The following RELN variants were observed in gnomAD, a reference collection of about 807,000 sequenced individuals.
RELN encodes the protein reelin.
A neutral mutation model predicts 427.6 loss-of-function variants in RELN; 108 were observed. The observed-to-expected ratio is 0.25, with a 90% CI of 0.22 to 0.30. The LOEUF (loss-of-function observed/expected upper bound fraction) is 0.30, where lower values mean the gene tolerates loss of function less well. Among genes scored for constraint, RELN ranks in the 10% least tolerant of loss-of-function variants. The pLI is 1.00. For synonymous variants in RELN, 1,524 were observed against 1,513.4 expected, an observed-to-expected ratio of 1.01 and a Z score of -0.16; for missense variants, 3,715 against 4,302.8, an observed-to-expected ratio of 0.86 and a Z score of 3.82.
At chr7:103,865,025 G>T (rs1411496587) in intron 2 of RELN, among the ~76,000 whole-genome samples, 2 of 151,432 alleles carry the variant, frequency 1.3e-5, no homozygotes, top group African/African-American at 4.9e-5. Flanking sequence ...CAGCTACTGG[G>T]GAGGCTGAGG....
At chr7:103,618,326 A>G (rs1376393007) in intron 20 of RELN, among the ~76,000 whole-genome samples, 2 of 152,170 alleles carry the variant, frequency 1.3e-5, no homozygotes, top group Admixed American at 6.5e-5. Flanking sequence ...TTACCCTCCC[A>G]TGGGCTTCTC....
At chr7:103,736,732 G>A (rs1028676968) in intron 6 of RELN, among the ~76,000 whole-genome samples, 2 of 152,110 alleles carry the variant, frequency 1.3e-5, no homozygotes, top group African/African-American at 4.8e-5. Context: ...TGTTTCAAAT[G>A]TACTTGACAT....
chr7:103,943,885 A>G (rs990445077), intron 1 of RELN, among the ~76,000 whole-genome samples: 50 of 149,406 alleles, frequency 3.3e-4, no homozygotes, highest in African/African-American at 1.2e-3. Context: ...GGAAATTACT[A>G]GTTTCCCCAC....
intron 6 of RELN, among the ~76,000 whole-genome samples, chr7:103,742,659 G>T (rs111338950): frequency 0.022 from 3,337 of 152,250 alleles, 125 homozygotes; most frequent in African/African-American, 0.077. Context: ...TGGAAGAAAG[G>T]GTATCAGTGA....
intron 2 of RELN, 70 bp downstream of exon 2, chr7:103,917,005 A>G (rs951960288): frequency 2.6e-5 from 29 of 1,118,270 alleles, no homozygotes; most frequent in Middle Eastern, 2.0e-4. Flanking sequence ...GTTAAAACAG[A>G]TACTTTAAAA....
chr7:103,914,162 T>A (rs1224320773), intron 2 of RELN, among the ~76,000 whole-genome samples: 1 of 152,196 alleles, frequency 6.6e-6, no homozygotes, highest in Non-Finnish European at 1.5e-5. Flanking sequence ...CTTAAATAAT[T>A]TGTAACAATT....
At chr7:103,710,322 G>A (rs1789762599) in intron 8 of RELN, among the ~76,000 whole-genome samples, 1 of 152,188 alleles carries the variant, frequency 6.6e-6, no homozygotes, top group African/African-American at 2.4e-5. Context: ...ATTCTGCTAA[G>A]AAGAAGCTGA....
At chr7:103,973,863 C>A (rs1372580346) in intron 1 of RELN, among the ~76,000 whole-genome samples, 1 of 152,176 alleles carries the variant, frequency 6.6e-6, no homozygotes, top group Non-Finnish European at 1.5e-5. Context: ...TAATACTCAG[C>A]CAGGTGTGGT....
intron 1 of RELN, among the ~76,000 whole-genome samples, chr7:103,930,442 G>A (rs1795837138): frequency 2.6e-5 from 4 of 151,616 alleles, no homozygotes; most frequent in Admixed American, 2.6e-4. Flanking sequence ...ACGGGTGGGG[G>A]GTGTGGACAG....
rs976338680 is a variant in RELN, at chr7:103,596,853, T to C, written c.3334-192A>G. Among the ~76,000 whole-genome samples the C allele has an allele frequency of 3.9e-5, 6 of 152,176 alleles. 1 individual carries two copies. Among genetic ancestry groups the C allele is most frequent in the Middle Eastern group, 6.3e-3 (2 of 316 alleles). On this transcript the variant is annotated intron_variant, in intron 24 of 64. Transcript: ENST00000428762. ...CTACGGTAACTGTTGCTGGATACCT[T>C]TGGTTAATGTCTACATTACTGATTC...
At chr7:103,478,990 T>C (rs746510670) in intron 63 of RELN, among the ~76,000 whole-genome samples, 8 of 152,188 alleles carry the variant, frequency 5.3e-5, no homozygotes, top group Non-Finnish European at 8.8e-5. Context: ...AAGACCATAG[T>C]TAGCAACATA....
intron 2 of RELN, among the ~76,000 whole-genome samples, chr7:103,912,091 T>A (rs1419141210): frequency 3.3e-5 from 5 of 152,138 alleles, no homozygotes; most frequent in African/African-American, 1.2e-4. Context: ...ATTAAAAATA[T>A]GACATGAATA....
intron 11 of RELN, among the ~76,000 whole-genome samples, chr7:103,681,287 T>C (rs1027622979): frequency 6.6e-5 from 10 of 152,188 alleles, no homozygotes; most frequent in African/African-American, 2.2e-4. Context: ...TTTGATTTAA[T>C]TTGTTGAGAT....
chr7:103,899,842 C>T (rs184827868), intron 2 of RELN, among the ~76,000 whole-genome samples: 195 of 152,136 alleles, frequency 1.3e-3, no homozygotes, highest in Non-Finnish European at 9.1e-4. Flanking sequence ...GCCAATATCA[C>T]ACTGAATGGG....
chr7:103,670,239 T>C (rs1191144614), intron 11 of RELN, among the ~76,000 whole-genome samples: 3 of 152,118 alleles, frequency 2.0e-5, no homozygotes, highest in African/African-American at 4.8e-5. Context: ...AGCTTGGCAA[T>C]AACTATCAAA....
At chr7:103,634,634 G>T (rs1228302580) in intron 19 of RELN, among the ~76,000 whole-genome samples, 2 of 151,832 alleles carry the variant, frequency 1.3e-5, no homozygotes, top group African/African-American at 2.4e-5. Flanking sequence ...CCCCATTTTT[G>T]CCAGAGACAC....
intron 12 of RELN, among the ~76,000 whole-genome samples, chr7:103,659,151 G>A (rs1320829780): frequency 1.3e-5 from 2 of 151,754 alleles, no homozygotes; most frequent in African/African-American, 2.4e-5. Flanking sequence ...CTTAACATAA[G>A]CAACATCAAA....
At chr7:103,906,103 G>A (rs1049668010) in intron 2 of RELN, among the ~76,000 whole-genome samples, 1 of 152,096 alleles carries the variant, frequency 6.6e-6, no homozygotes, top group South Asian at 2.1e-4. Context: ...TAGGTGTCTG[G>A]AAAAGAGGCT....
In RELN at chr7:103,472,870, TGTC is replaced by T. The variant is rs770480930; in HGVS notation, c.10322_10324del (p.Arg3441del). On this transcript the variant is annotated inframe_deletion, in exon 65 of 65. Coordinates refer to ENST00000428762, the MANE Select transcript of RELN (RefSeq NM_005045.4). ...GTTGTAGAAATGTCTGAGCCCATGTTGTCGTGAAAAATTCATCATGTAATTTTG... is the reference window on the plus strand; with the variant it reads ...GTTGTAGAAATGTCTGAGCCCATGTTGTGAAAAATTCATCATGTAATTTTG... 1.7e-5 allele frequency: 27 copies of T among 1,613,894 alleles called. No individual in the cohort carries two copies. The highest frequency in any genetic ancestry group is 2.2e-5 in the Non-Finnish European group (26 of 1,179,890).
Sources: allele counts gnomAD v4.1 joint callset (sites outside exome capture counted in the v4.1 genomes callset), GRCh38; gene constraint gnomAD v4.1.1; transcripts MANE v1.5; gene names NCBI Gene and HGNC (gene_info 2026-07-23, HGNC 2026-07-21).